Variants in PLD3 observed in about 807,000 individuals in gnomAD.
PLD3 encodes 5'-3' exonuclease PLD3.
Under a neutral mutation model 58.4 loss-of-function variants are expected in PLD3, and 31 were observed. The ratio of observed to expected loss-of-function variants is 0.53; its 90% CI spans 0.40 to 0.72. The LOEUF (loss-of-function observed/expected upper bound fraction) is 0.72. PLD3 is among the 30% of genes least tolerant of loss of function. The pLI is 0.00. For synonymous variants in PLD3, 264 were observed against 273.4 expected (o/e 0.97, Z 0.34); for missense variants, 595 against 659.8 (o/e 0.90, Z 1.08).
At chr19:40,363,930 G>A (rs1245626358) in intron 1 of PLD3, among the ~76,000 whole-genome samples, 1 of 152,190 alleles carries the variant, frequency 6.6e-6, no homozygotes, top group East Asian at 1.9e-4. Flanking sequence ...TCAAAAAAGA[G>A]TAATGCGCGC....
intron 1 of PLD3, chr19:40,357,999 A>T (rs1466735754): frequency 3.9e-5 from 6 of 152,210 alleles, no homozygotes; most frequent in Non-Finnish European, 8.8e-5. Context: ...TGAGATCTGA[A>T]GTCTGAGCTG....
At chr19:40,368,152 G>A (rs1029440419) in intron 6 of PLD3, among the ~76,000 whole-genome samples, 1 of 152,122 alleles carries the variant, frequency 6.6e-6, no homozygotes, top group Non-Finnish European at 1.5e-5. Context: ...CCCACAAGCT[G>A]TCCTGACCCA....
At chr19:40,367,153 TG>T (rs1441241373) in intron 5 of PLD3, 1 of 533,488 alleles carries the variant, frequency 1.9e-6, no homozygotes, top group Non-Finnish European at 3.3e-6. Context: ...CCCACATCTG[TG>T]GACCCACACA....
rs368737000 is a variant in PLD3, at chr19:40,371,872, C to G, written c.878C>G (p.Ala293Gly). 2 of 1,613,174 alleles carry G rather than the reference C, an allele frequency of 1.2e-6. No individual in the cohort carries two copies. Among genetic ancestry groups the G allele is most frequent in the South Asian group, 1.1e-5 (1 of 91,060 alleles). ...GGAACCCCTGCTCTGGCCTACCTGG[C>G]GGTGAGTCTGGGGCAAGTGGGGCCT... ...LNGTPALAYLASAPPPLCPSG... is the reference protein window; with the variant it reads ...LNGTPALAYLGSAPPPLCPSG... Residue 293 changes from alanine (A) to glycine (G), a missense_variant and splice_region_variant, in exon 9 of 13, where the codon GCG (alanine) becomes GGG (glycine). By Grantham distance (60) the Ala-to-Gly change is moderately conservative. Coordinates refer to ENST00000409735, the MANE Select transcript of PLD3 (RefSeq NM_012268.4).
intron 1 of PLD3, among the ~76,000 whole-genome samples, chr19:40,354,918 AC>A (rs1343658958): frequency 6.6e-6 from 1 of 151,336 alleles, no homozygotes; most frequent in African/African-American, 2.4e-5. Flanking sequence ...GCTCACTGCA[AC>A]CTCCGCCTCC....
Position 40,370,201 on chromosome 19 carries a change from G to A in PLD3, c.642G>A (p.Leu214=). 1 of 1,614,020 alleles carries A rather than the reference G, an allele frequency of 6.2e-7. No homozygotes were observed. The highest frequency in any genetic ancestry group is 1.1e-5 in the South Asian group (1 of 91,086). The change falls in exon 8 of 13, where the codon CTG becomes CTA. Residue 214 remains leucine, a synonymous_variant. Coordinates refer to ENST00000409735, the MANE Select transcript of PLD3 (RefSeq NM_012268.4). ...FWVVDQTHFY[L]GSANMDWRSL... Reference sequence around the variant, plus strand: ...TGGTGGACCAGACCCACTTCTACCTGGGCAGTGCCAACATGGACTGGCGTT... The same window carrying A: ...TGGTGGACCAGACCCACTTCTACCTAGGCAGTGCCAACATGGACTGGCGTT...
Position 40,348,746 on chromosome 19 carries a change from G to A in PLD3, c.-301G>A. The A allele has an allele frequency of 2.1e-6, 1 of 466,756 alleles. No individual in the cohort carries two copies. The highest frequency in any genetic ancestry group is 3.7e-6 in the Non-Finnish European group (1 of 270,244). 28.9% of individuals were successfully genotyped at this position (466,756 alleles called of 1,614,324 possible). On this transcript the variant is annotated 5_prime_UTR_variant, in exon 1 of 13. Transcript: ENST00000409735. The stretch of plus-strand genomic sequence containing the variant: ...GAAGGTGCGTGTGGGGCTGGGTCTC[G>A]GAGTGGGAGACGTGGAGTGCAGGTA...
intron 5 of PLD3, chr19:40,367,401 T>C (rs1043255809): frequency 3.9e-5 from 12 of 310,476 alleles, no homozygotes; most frequent in Non-Finnish European, 6.6e-5. Context: ...GGCAATGTAG[T>C]GCGGCTCCAT....
In PLD3 at chr19:40,378,281, C is replaced by A; in HGVS notation, c.*108C>A. 9.8e-7 allele frequency: 1 copy of A among 1,024,126 alleles called. No individual in the cohort carries two copies. The highest frequency in any genetic ancestry group is 1.5e-6 in the Non-Finnish European group (1 of 658,930). 63.4% of individuals were successfully genotyped at this position (1,024,126 alleles called of 1,614,324 possible). On this transcript the variant is annotated 3_prime_UTR_variant, in exon 13 of 13. Coordinates refer to ENST00000409735, the MANE Select transcript of PLD3 (RefSeq NM_012268.4). ...CCCGCTTCTGTCTGCCCCATTGTGG[C>A]TCCTCAGGCTCTCTCCCCTGCTCTC... is the stretch of plus-strand genomic sequence containing the variant.
chr19:40,378,351 G>A lies in PLD3; in HGVS notation c.*178G>A, dbSNP rs1384289094. 10 of 719,558 alleles carry A rather than the reference G, an allele frequency of 1.4e-5. No homozygotes were observed. The highest frequency in any genetic ancestry group is 4.0e-5 in the Admixed American group (2 of 49,436). 44.6% of individuals were successfully genotyped at this position (719,558 alleles called of 1,614,324 possible). A position where few individuals can be genotyped will look rare whatever the true frequency, so the allele number is the denominator to read the frequency against. Reference sequence around the variant, plus strand: ...CACCGGCCTGACGCTGTGGCCCCGGGACCCAGCAGAGCTGGGGGAGGGATC... The same window carrying A: ...CACCGGCCTGACGCTGTGGCCCCGGAACCCAGCAGAGCTGGGGGAGGGATC... On this transcript the variant is annotated 3_prime_UTR_variant, in exon 13 of 13. Coordinates refer to ENST00000409735, the MANE Select transcript of PLD3 (RefSeq NM_012268.4).
chr19:40,370,222 G>T lies in PLD3; in HGVS notation c.663G>T (p.Trp221Cys), dbSNP rs1459638655. The change falls in exon 8 of 13, where the codon TGG becomes TGT. Residue 221 changes from tryptophan to cysteine, a missense_variant. By Grantham distance (215) the Trp-to-Cys change is radical. Transcript: ENST00000409735. ...ACCTGGGCAGTGCCAACATGGACTG[G>T]CGTTCACTGACCCAGGTCTGTCTGC... is the stretch of plus-strand genomic sequence containing the variant. Reference protein sequence around the residue: ...HFYLGSANMDWRSLTQVKELG... With the variant: ...HFYLGSANMDCRSLTQVKELG... The T allele has an allele frequency of 6.2e-7, 1 of 1,613,644 alleles. No individual in the cohort carries two copies.
chr19:40,370,704 C>G (rs938935256), intron 8 of PLD3: 2 of 154,954 alleles, frequency 1.3e-5, no homozygotes, highest in Non-Finnish European at 2.9e-5. Context: ...GAGCCCTCTA[C>G]TGCCCTCCCC....
intron 1 of PLD3, among the ~76,000 whole-genome samples, chr19:40,350,636 C>A (rs1220630233): frequency 6.6e-6 from 1 of 151,206 alleles, no homozygotes; most frequent in African/African-American, 2.4e-5. Context: ...CTGAGCAACT[C>A]GGGAGGCTGA....
intron 1 of PLD3, among the ~76,000 whole-genome samples, chr19:40,363,762 C>T (rs2078845601): frequency 6.6e-6 from 1 of 152,092 alleles, no homozygotes; most frequent in Admixed American, 6.6e-5. Flanking sequence ...CCCCATTTGT[C>T]TTCCTGCCAT....
At chr19:40,368,868 C>T (rs571033347) in intron 6 of PLD3, among the ~76,000 whole-genome samples, 4 of 151,620 alleles carry the variant, frequency 2.6e-5, no homozygotes, top group East Asian at 3.9e-4. Flanking sequence ...GAGGCTGCAG[C>T]GAGCCGTGAT....
At chr19:40,377,696 G>A in intron 11 of PLD3, 90 bp from the exon 12 acceptor site, 1 of 900,796 alleles carries the variant, frequency 1.1e-6, no homozygotes, top group Non-Finnish European at 1.8e-6. Flanking sequence ...GAGTCCCACA[G>A]ATCTCGCTCC....
At chr19:40,363,732 G>A (rs1427001346) in intron 1 of PLD3, among the ~76,000 whole-genome samples, 2 of 151,912 alleles carry the variant, frequency 1.3e-5, no homozygotes, top group Admixed American at 1.3e-4. Flanking sequence ...CACCCGACCT[G>A]CTAGATCCTT....
At chr19:40,356,333 G>A (rs2078655554) in intron 1 of PLD3, 2 of 152,602 alleles carry the variant, frequency 1.3e-5, no homozygotes. Flanking sequence ...CAGAGTTTTT[G>A]AGCAGGAGAG....
intron 1 of PLD3, among the ~76,000 whole-genome samples, chr19:40,365,088 G>A (rs1340021273): frequency 6.6e-6 from 1 of 152,166 alleles, no homozygotes; most frequent in Admixed American, 6.6e-5. Flanking sequence ...CTCCTTTTCT[G>A]CAGTTATCTC....
Sources: gnomAD v4.1 joint callset for allele counts (sites outside exome capture counted in the v4.1 genomes callset) on GRCh38, gnomAD v4.1.1 for gene constraint, MANE v1.5 for transcripts, NCBI Gene and HGNC (gene_info 2026-07-23, HGNC 2026-07-21) for gene names.